The following LRRC4C variants were observed in gnomAD, a reference collection of about 807,000 sequenced individuals.
LRRC4C encodes the protein leucine-rich repeat-containing protein 4C.
A neutral mutation model predicts 33.6 loss-of-function variants in LRRC4C; 5 were observed. That is an observed-to-expected ratio of 0.15 (90% confidence interval 0.08 to 0.31). The LOEUF (loss-of-function observed/expected upper bound fraction) is 0.31, where lower values mean the gene tolerates loss of function less well. LRRC4C is among the 10% of genes least tolerant of loss of function. LRRC4C has a pLI of 1.00. For missense variants in LRRC4C, 560 were observed against 796.7 expected (o/e 0.70, Z 3.58); for synonymous variants, 329 against 302.0 (o/e 1.09, Z -0.93).
intron 3 of LRRC4C, among the ~76,000 whole-genome samples, chr11:40,334,483 G>A (rs576375498): frequency 6.6e-6 from 1 of 152,246 alleles, no homozygotes; most frequent in South Asian, 2.1e-4. Flanking sequence ...AATGTGAGTA[G>A]GGGAAGAAGG....
chr11:40,720,948 C>G (rs1946980429), intron 2 of LRRC4C, among the ~76,000 whole-genome samples: 1 of 152,052 alleles, frequency 6.6e-6, no homozygotes, highest in South Asian at 2.1e-4. Flanking sequence ...GAAAGGGACC[C>G]TTGCCATAGG....
chr11:40,948,985 CA>C (rs1243367701), intron 1 of LRRC4C, among the ~76,000 whole-genome samples: 1 of 152,116 alleles, frequency 6.6e-6, no homozygotes, highest in African/African-American at 2.4e-5. Context: ...GTCCCACCAA[CA>C]GTGTAAGAGT....
intron 3 of LRRC4C, among the ~76,000 whole-genome samples, chr11:40,500,291 T>TACAC (rs1182079941): frequency 1.1e-4 from 7 of 62,774 alleles, no homozygotes; most frequent in East Asian, 1.0e-3. Context: ...TATATATATA[T>TACAC]ATACACACAC....
chr11:40,777,159 A>C (rs1015728972), intron 2 of LRRC4C, among the ~76,000 whole-genome samples: 5 of 152,198 alleles, frequency 3.3e-5, no homozygotes, highest in African/African-American at 1.2e-4. Flanking sequence ...GCTCAATCTT[A>C]GAGTATGTTC....
intron 3 of LRRC4C, among the ~76,000 whole-genome samples, chr11:40,404,880 T>G (rs1363158909): frequency 6.6e-6 from 1 of 151,898 alleles, no homozygotes; most frequent in Admixed American, 6.6e-5. Flanking sequence ...TAATAAAATG[T>G]TACTATAATG....
intron 1 of LRRC4C, among the ~76,000 whole-genome samples, chr11:41,410,918 G>T (rs1391608986): frequency 6.6e-6 from 1 of 151,570 alleles, no homozygotes; most frequent in Non-Finnish European, 1.5e-5. Flanking sequence ...TTTAAAGAGG[G>T]ACCTGCCTGA....
intron 4 of LRRC4C, among the ~76,000 whole-genome samples, chr11:40,311,105 C>T (rs1176880338): frequency 6.6e-6 from 1 of 152,102 alleles, no homozygotes; most frequent in Non-Finnish European, 1.5e-5. Flanking sequence ...TTTTCCAAAA[C>T]TTTTCAAAAC....
At chr11:40,936,485 C>T (rs1379412075) in intron 1 of LRRC4C, among the ~76,000 whole-genome samples, 4 of 151,478 alleles carry the variant, frequency 2.6e-5, no homozygotes, top group Admixed American at 6.6e-5. Flanking sequence ...TACAGGCGCC[C>T]GCCACCACAG....
At position 41,212,200 on chromosome 11, in the gene LRRC4C, T is replaced by C. The variant is rs114703753; in HGVS notation, c.-496+247231A>G. Among the ~76,000 whole-genome samples the C allele has an allele frequency of 2.5e-3, 376 of 152,330 alleles. 4 individuals are homozygous for C. Among genetic ancestry groups the C allele is most frequent in the African/African-American group, 8.6e-3 (358 of 41,580 alleles). On this transcript the variant is annotated intron_variant, in intron 1 of 6. Transcript: ENST00000528697. ...CAACAACTTTTTTTCCTAATCAATA[T>C]TATTTTTATCTTGGGCTTTCCCAGT... is the stretch of plus-strand genomic sequence containing the variant.
intron 5 of LRRC4C, among the ~76,000 whole-genome samples, chr11:40,152,450 C>T (rs760918793): frequency 6.6e-6 from 1 of 152,144 alleles, no homozygotes; most frequent in African/African-American, 2.4e-5. Flanking sequence ...TTGGCCAGAA[C>T]TCAAGGGAGG....
chr11:40,992,547 T>A (rs1489760188), intron 1 of LRRC4C, among the ~76,000 whole-genome samples: 2 of 152,016 alleles, frequency 1.3e-5, no homozygotes, highest in Non-Finnish European at 2.9e-5. Context: ...TAGGTTTTTA[T>A]CTGTTTGGCT....
chr11:40,256,650 C>T (rs1474697747), intron 4 of LRRC4C, among the ~76,000 whole-genome samples: 1 of 152,148 alleles, frequency 6.6e-6, no homozygotes, highest in Admixed American at 6.5e-5. Flanking sequence ...TCTCCTGAAT[C>T]CTTACAAATC....
chr11:40,731,058 G>A (rs147127143), intron 2 of LRRC4C, among the ~76,000 whole-genome samples: 4,662 of 152,244 alleles, frequency 0.031, 75 homozygotes, highest in Non-Finnish European at 0.035. Flanking sequence ...GGTGGCTCAC[G>A]CCTGTAATCC....
At chr11:40,290,841 T>C (rs1017181976) in intron 4 of LRRC4C, among the ~76,000 whole-genome samples, 1 of 151,784 alleles carries the variant, frequency 6.6e-6, no homozygotes, top group Non-Finnish European at 1.5e-5. Flanking sequence ...ACCCTGGAGG[T>C]CTAAACTGGC....
rs558780428 is a variant in LRRC4C, at chr11:40,945,083, A to G, written c.-495-11360T>C. The stretch of plus-strand genomic sequence containing the variant: ...TGCTTTGTCGCCCGGGCTGGAGCGC[A>G]GTGGCGCGATCTCGGCACACTGCAA... On this transcript the variant is annotated intron_variant, in intron 1 of 6. Transcript: ENST00000528697. 3.9e-4 allele frequency among the ~76,000 whole-genome samples: 53 copies of G among 134,656 alleles called. No individual in the cohort carries two copies. In the South Asian group the frequency reaches 0.011, roughly 28 times the overall value. The allele number at this position is 134,656 out of a possible 152,430, so 88.3% of individuals were successfully genotyped here. A position where few individuals can be genotyped will look rare whatever the true frequency, so the allele number is the denominator to read the frequency against.
At chr11:40,702,961 A>G (rs1056958519) in intron 2 of LRRC4C, among the ~76,000 whole-genome samples, 2 of 152,194 alleles carry the variant, frequency 1.3e-5, no homozygotes, top group Admixed American at 1.3e-4. Context: ...CACAGAATCA[A>G]TATCAAAAGC....
At chr11:40,393,550 T>A (rs1262579870) in intron 3 of LRRC4C, among the ~76,000 whole-genome samples, 2 of 152,128 alleles carry the variant, frequency 1.3e-5, no homozygotes, top group Non-Finnish European at 2.9e-5. Context: ...ATGCAATAAT[T>A]CTTTGGAGAA....
chr11:40,861,826 C>T (rs1458388577), intron 2 of LRRC4C, among the ~76,000 whole-genome samples: 1 of 152,138 alleles, frequency 6.6e-6, no homozygotes, highest in African/African-American at 2.4e-5. Flanking sequence ...TGGGACCAGA[C>T]ATGTCACATG....
At chr11:40,939,944 C>T (rs758908024) in intron 1 of LRRC4C, among the ~76,000 whole-genome samples, 4 of 152,244 alleles carry the variant, frequency 2.6e-5, no homozygotes, top group East Asian at 3.9e-4. Flanking sequence ...GCACTCCATC[C>T]GTGAAGGTCC....
Sources: allele counts gnomAD v4.1 joint callset (sites outside exome capture counted in the v4.1 genomes callset), GRCh38; gene constraint gnomAD v4.1.1; transcripts MANE v1.5; gene names NCBI Gene and HGNC (gene_info 2026-07-23, HGNC 2026-07-21).